The following ARHGAP6 variants were observed in gnomAD, a reference collection of about 807,000 sequenced individuals.
ARHGAP6 encodes Rho GTPase activating protein 6, also known as rho GTPase-activating protein 6.
ARHGAP6 carries 16 observed loss-of-function variants against 55.7 expected under a neutral mutation model. The observed-to-expected ratio is 0.29, with a 90% CI of 0.19 to 0.44. ARHGAP6 has a LOEUF of 0.44. ARHGAP6 is among the 20% of genes least tolerant of loss of function. The pLI, the probability that ARHGAP6 is intolerant of heterozygous loss-of-function variation, is 1.00. For missense variants in ARHGAP6, 698 were observed against 808.9 expected (o/e 0.86, Z 1.66); for synonymous variants, 382 against 360.9 (o/e 1.06, Z -0.66).
chrX:11,257,131 T>C (rs1244987826), intron 1 of ARHGAP6, among the ~76,000 whole-genome samples: 2 of 111,874 alleles, frequency 1.8e-5, no homozygotes, highest in Non-Finnish European at 3.8e-5. Flanking sequence ...AGGAACACTA[T>C]TGGGGAATTT....
chrX:11,664,642 C>T lies in ARHGAP6; in HGVS notation c.187G>A (p.Gly63Ser), dbSNP rs761815420. ...AEGSARGATA[G>S]RLYSPSLPAE... is the part of the protein sequence containing the mutation. ...GGGAGTGATGGGGAGTAGAGGCGGCCCGCCGTGGCTCCCCGCGCACTGCCC... is the reference window on the plus strand; with the variant it reads ...GGGAGTGATGGGGAGTAGAGGCGGCTCGCCGTGGCTCCCCGCGCACTGCCC... Residue 63 changes from glycine (G) to serine (S), a missense_variant, in exon 1 of 13, where the codon GGC becomes AGC. Around this residue, in one of 3 missense-constraint regions of ARHGAP6, gnomAD observed 164 missense variants for 149.2 expected, o/e 1.10. Transcript: ENST00000337414. The T allele has an allele frequency of 1.1e-5, 13 of 1,158,844 alleles. No homozygotes were observed. Among genetic ancestry groups the T allele is most frequent in the Non-Finnish European group, 1.4e-5 (12 of 869,841 alleles).
chrX:11,162,110 A>T (rs1048406607), intron 9 of ARHGAP6, among the ~76,000 whole-genome samples: 1 of 111,687 alleles, frequency 9.0e-6, no homozygotes, highest in Non-Finnish European at 1.9e-5. Flanking sequence ...CTAGGGCAAG[A>T]TCACGTATGC....
intron 1 of ARHGAP6, among the ~76,000 whole-genome samples, chrX:11,627,585 T>A (rs773310916): frequency 1.3e-4 from 15 of 111,463 alleles, no homozygotes; most frequent in African/African-American, 4.9e-4. Flanking sequence ...CAATAAATTG[T>A]CTTTATTATT....
intron 1 of ARHGAP6, among the ~76,000 whole-genome samples, chrX:11,361,527 G>C (rs373420903): frequency 0.056 from 6,203 of 109,853 alleles, 209 homozygotes; most frequent in African/African-American, 0.12. Flanking sequence ...AGACTTAAAT[G>C]TTAGACCTAA....
chrX:11,613,355 G>A (rs760371096), intron 1 of ARHGAP6, among the ~76,000 whole-genome samples: 6 of 112,471 alleles, frequency 5.3e-5, no homozygotes, highest in Non-Finnish European at 9.4e-5. Flanking sequence ...AGTGAACAGA[G>A]AAAGATGAAT....
intron 1 of ARHGAP6, among the ~76,000 whole-genome samples, chrX:11,277,710 T>TTTA (rs1555981106): frequency 1.0e-3 from 112 of 107,850 alleles, no homozygotes; most frequent in African/African-American, 3.2e-3. Context: ...TTTTTTTTTT[T>TTTA]AAAAAAAAAT....
intron 1 of ARHGAP6, among the ~76,000 whole-genome samples, chrX:11,414,170 A>G (rs952623656): frequency 4.5e-5 from 5 of 112,323 alleles, no homozygotes; most frequent in African/African-American, 1.6e-4. Flanking sequence ...TTTTCTGTAA[A>G]TGGCCAAAGA....
chrX:11,624,849 C>T (rs1240592642), intron 1 of ARHGAP6, among the ~76,000 whole-genome samples: 2 of 111,968 alleles, frequency 1.8e-5, no homozygotes, highest in Admixed American at 9.4e-5. Context: ...CCATGCCTGG[C>T]CAAAGATCTG....
chrX:11,458,834 AATATAAT>A (rs1219455974), intron 1 of ARHGAP6, among the ~76,000 whole-genome samples: 1 of 111,360 alleles, frequency 9.0e-6, no homozygotes, highest in Admixed American at 9.6e-5. Flanking sequence ...ATAAAAAGTA[AATATAAT>A]ATATAAGTAA....
intron 2 of ARHGAP6, among the ~76,000 whole-genome samples, chrX:11,210,550 T>C (rs1318016458): frequency 8.9e-6 from 1 of 112,706 alleles, no homozygotes; most frequent in Non-Finnish European, 1.9e-5. Flanking sequence ...TGGTATTTCT[T>C]GACATTTTGT....
intron 1 of ARHGAP6, among the ~76,000 whole-genome samples, chrX:11,589,066 G>A (rs1250787755): frequency 6.0e-5 from 6 of 100,381 alleles, no homozygotes; most frequent in African/African-American, 2.3e-4. Flanking sequence ...TTTTTGAGAC[G>A]AGTCTTGCTC....
At chrX:11,258,789 T>C (rs1159212651) in intron 1 of ARHGAP6, among the ~76,000 whole-genome samples, 4 of 112,179 alleles carry the variant, frequency 3.6e-5, no homozygotes, top group Non-Finnish European at 7.5e-5. Flanking sequence ...TATTTTGTTA[T>C]GGCAGACCCA....
chrX:11,138,829 G>T lies in ARHGAP6; in HGVS notation c.*34C>A, dbSNP rs770775964. 1.7e-6 allele frequency: 2 copies of T among 1,153,486 alleles called. No individual in the cohort carries two copies. The highest frequency in any genetic ancestry group is 1.8e-5 in the African/African-American group (1 of 55,843). On this transcript the variant is annotated 3_prime_UTR_variant, in exon 13 of 13. Transcript: ENST00000337414. Reference sequence around the variant, plus strand: ...TCCCCCCTGGGCTGGAGGGCGGGGGGCTCGGGGCAGGGGGGGCTCGGCTGG... The same window carrying T: ...TCCCCCCTGGGCTGGAGGGCGGGGGTCTCGGGGCAGGGGGGGCTCGGCTGG...
In ARHGAP6 at chrX:11,179,631, ATG is replaced by A. The variant is rs111989287; in HGVS notation, c.1330-181_1330-180del. On this transcript the variant is annotated intron_variant, in intron 6 of 12. Coordinates refer to ENST00000337414, the MANE Select transcript of ARHGAP6 (RefSeq NM_013427.3). ...GAGTTGACACAGTCCAGCTATGAATATGTGTGTGTGTGTGTGTATACATATAT... is the reference window on the plus strand; with the variant it reads ...GAGTTGACACAGTCCAGCTATGAATATGTGTGTGTGTGTGTATACATATAT... 5.7e-3 allele frequency among the ~76,000 whole-genome samples: 607 copies of A among 106,074 alleles called. 4 individuals carry two copies. Among genetic ancestry groups the A allele is most frequent in the African/African-American group, 0.015 (449 of 29,186 alleles). 92.1% of individuals were successfully genotyped at this position (106,074 alleles called of 115,157 possible).
At chrX:11,603,572 G>A (rs746730792) in intron 1 of ARHGAP6, among the ~76,000 whole-genome samples, 8 of 111,544 alleles carry the variant, frequency 7.2e-5, no homozygotes, top group African/African-American at 9.8e-5. Flanking sequence ...AGGGTCTGTG[G>A]TTTCTGTGAC....
At position 11,598,674 on chromosome X, in the gene ARHGAP6, C is replaced by T. The variant is rs546341326; in HGVS notation, c.588+65567G>A. ...GCTCCATCCATGTTGCTGCAAAGGACGTGACTTCATACTTTTTATGGCTGC... is the reference window on the plus strand; with the variant it reads ...GCTCCATCCATGTTGCTGCAAAGGATGTGACTTCATACTTTTTATGGCTGC... On this transcript the variant is annotated intron_variant, in intron 1 of 12. Transcript: ENST00000337414. Among the ~76,000 whole-genome samples, 112 of 112,757 alleles carry T rather than the reference C, an allele frequency of 9.9e-4. 1 individual carries two copies. Among genetic ancestry groups the T allele is most frequent in the South Asian group, 3.7e-3 (10 of 2,738 alleles).
Position 11,652,432 on chromosome X carries a change from G to T in ARHGAP6, c.588+11809C>A, listed in dbSNP as rs140736614. Among the ~76,000 whole-genome samples, 111 of 112,084 alleles carry T rather than the reference G, an allele frequency of 9.9e-4. 2 individuals are homozygous for T. The East Asian group carries it at 0.025, about 25-fold the overall frequency. On this transcript the variant is annotated intron_variant, in intron 1 of 12. Transcript: ENST00000337414. ...ACAAGCAATGGGTAAAGGATTCCCT[G>T]CCTAAACCTAGTTTCTATAAGCAGT...
chrX:11,494,266 G>A (rs920738331), intron 1 of ARHGAP6, among the ~76,000 whole-genome samples: 1 of 112,009 alleles, frequency 8.9e-6, no homozygotes, highest in Non-Finnish European at 1.9e-5. Context: ...AAAAATCAGT[G>A]TATTCCTTCT....
intron 1 of ARHGAP6, among the ~76,000 whole-genome samples, chrX:11,276,788 A>T (rs1312010026): frequency 1.8e-5 from 2 of 112,435 alleles, no homozygotes; most frequent in East Asian, 5.5e-4. Flanking sequence ...TTTTGCTCTG[A>T]TGTATAGAAA....
Sources: gnomAD v4.1 joint callset for allele counts (sites outside exome capture counted in the v4.1 genomes callset) on GRCh38, gnomAD v4.1.1 for gene constraint, gnomAD v4.1.1 regional missense constraint, MANE v1.5 for transcripts, NCBI Gene and HGNC (gene_info 2026-07-23, HGNC 2026-07-21) for gene names.